LRRC49: variants seen among roughly 807,000 people sequenced by gnomAD.
The protein encoded by LRRC49 is leucine rich repeat containing 49.
LRRC49 carries 50 observed loss-of-function variants against 83.3 expected under a neutral mutation model. That is an observed-to-expected ratio of 0.60 (90% CI 0.48 to 0.76). The LOEUF is 0.76. Ranked by LOEUF, LRRC49 falls within the 30% of genes least tolerant of loss-of-function variation. The probability of loss-of-function intolerance (pLI) is 0.00; values close to 1 mark genes in which losing one functional copy is unlikely to be tolerated. For missense variants in LRRC49, 704 were observed against 809.1 expected, an observed-to-expected ratio of 0.87 and a Z score of 1.58; for synonymous variants, 286 against 283.3, an observed-to-expected ratio of 1.01 and a Z score of -0.10.
chr15:71,019,704 C>A (rs1415008957), intron 14 of LRRC49, among the ~76,000 whole-genome samples: 1 of 152,174 alleles, frequency 6.6e-6, no homozygotes, highest in Non-Finnish European at 1.5e-5. Flanking sequence ...TGTCCCTAAG[C>A]AAATGTAAAC....
At position 70,870,593 on chromosome 15, in the gene LRRC49, C is replaced by T. The variant is rs533714559; in HGVS notation, c.-298-2315C>T. On this transcript the variant is annotated intron_variant, in intron 1 of 16. Transcript: ENST00000544974. ...AAAACCTCCGCCTCCTGGGTTCAAGCGATTCTCCTGCCTCAGCCTCCCGAG... is the reference window on the plus strand; with the variant it reads ...AAAACCTCCGCCTCCTGGGTTCAAGTGATTCTCCTGCCTCAGCCTCCCGAG... 1.4e-4 allele frequency among the ~76,000 whole-genome samples: 22 copies of T among 152,252 alleles called. No homozygotes were observed. In the South Asian group the frequency reaches 4.4e-3, roughly 30 times the overall value.
chr15:70,936,889 A>C, intron 8 of LRRC49, 67 bp downstream of exon 8: 1 of 991,468 alleles, frequency 1.0e-6, no homozygotes, highest in Admixed American at 1.8e-5. Flanking sequence ...GCTTTAGATT[A>C]AGATTGTAAA....
At chr15:70,862,938 T>C (rs2032827737) in intron 1 of LRRC49, among the ~76,000 whole-genome samples, 1 of 152,146 alleles carries the variant, frequency 6.6e-6, no homozygotes, top group Non-Finnish European at 1.5e-5. Flanking sequence ...CTGCAAACAA[T>C]TGTTCAGGTT....
intron 14 of LRRC49, among the ~76,000 whole-genome samples, chr15:71,032,917 C>T (rs983026699): frequency 1.3e-5 from 2 of 152,132 alleles, no homozygotes; most frequent in East Asian, 3.9e-4. Flanking sequence ...ACTGAATGGT[C>T]AAAAGCTGGA....
In LRRC49 at chr15:70,884,505, G is replaced by A. The variant is rs187626365; in HGVS notation, c.19-9079G>A. On this transcript the variant is annotated intron_variant, in intron 2 of 16. Transcript: ENST00000544974. ...ACTGCACTCCAGCCTGGGCGACAGA[G>A]TGAGGCTCTGTTTCAAACACACACA... is the stretch of plus-strand genomic sequence containing the variant. Among the ~76,000 whole-genome samples, 221 of 151,926 alleles carry A rather than the reference G, an allele frequency of 1.5e-3. 1 individual carries two copies. The highest frequency in any genetic ancestry group is 2.1e-3 in the Admixed American group (32 of 15,274).
At chr15:71,043,987 T>C (rs1009321130) in intron 15 of LRRC49, among the ~76,000 whole-genome samples, 1 of 152,244 alleles carries the variant, frequency 6.6e-6, no homozygotes, top group Non-Finnish European at 1.5e-5. Context: ...AAGCATTCAC[T>C]AAATATGCTC....
At chr15:70,926,673 C>T (rs1010931336) in intron 7 of LRRC49, among the ~76,000 whole-genome samples, 3 of 152,060 alleles carry the variant, frequency 2.0e-5, no homozygotes, top group African/African-American at 7.2e-5. Flanking sequence ...ACCCCTTCCC[C>T]CCACCCCACA....
chr15:70,880,365 G>T (rs2033238356), intron 2 of LRRC49, among the ~76,000 whole-genome samples: 1 of 152,118 alleles, frequency 6.6e-6, no homozygotes, highest in African/African-American at 2.4e-5. Flanking sequence ...TAAGCGCCAG[G>T]ACAGAATCTT....
intron 8 of LRRC49, among the ~76,000 whole-genome samples, chr15:70,957,557 C>T (rs1417352135): frequency 6.6e-6 from 1 of 151,764 alleles, no homozygotes; most frequent in African/African-American, 2.4e-5. Flanking sequence ...TTCACCGAAA[C>T]TTTATTGCAC....
chr15:71,043,093 A>G (rs1030982672), intron 15 of LRRC49, among the ~76,000 whole-genome samples: 3 of 152,208 alleles, frequency 2.0e-5, no homozygotes, highest in Admixed American at 6.5e-5. Context: ...TGTGCATGCC[A>G]TCTCCCAACT....
chr15:70,882,168 G>C (rs1368333178), intron 2 of LRRC49: 1 of 293,654 alleles, frequency 3.4e-6, no homozygotes, highest in Non-Finnish European at 6.3e-6. Context: ...GCTTAATTTT[G>C]ATTAGGAAGT....
At chr15:71,024,304 G>A (rs1346384350) in intron 14 of LRRC49, among the ~76,000 whole-genome samples, 1 of 152,184 alleles carries the variant, frequency 6.6e-6, no homozygotes, top group Non-Finnish European at 1.5e-5. Context: ...TCCTGACTGG[G>A]TGAGACTCCC....
intron 11 of LRRC49, among the ~76,000 whole-genome samples, chr15:71,000,432 T>C (rs567292137): frequency 1.2e-4 from 18 of 152,338 alleles, no homozygotes; most frequent in Non-Finnish European, 1.9e-4. Flanking sequence ...TGAAAACTGG[T>C]AAACAGTATT....
chr15:70,919,272 C>T, intron 7 of LRRC49, 79 bp downstream of exon 7: 1 of 1,240,904 alleles, frequency 8.1e-7, no homozygotes, highest in South Asian at 1.7e-5. Context: ...ATATGGCTTT[C>T]TGCAAAGTAA....
chr15:71,039,592 G>A (rs1193591527), intron 15 of LRRC49, among the ~76,000 whole-genome samples: 1 of 152,102 alleles, frequency 6.6e-6, no homozygotes, highest in Non-Finnish European at 1.5e-5. Flanking sequence ...ATACTACAAT[G>A]CAAATGCCAT....
chr15:70,991,298 A>G (rs1295974694), intron 11 of LRRC49, among the ~76,000 whole-genome samples: 1 of 152,222 alleles, frequency 6.6e-6, no homozygotes, highest in African/African-American at 2.4e-5. Flanking sequence ...GACATAAAGC[A>G]TTTATATCTT....
rs1247837202 is a variant in LRRC49, at chr15:70,965,704, A to G, written c.921+1772A>G. ...GTCTTACAACATGTTCTTCATATTT[A>G]TCTCTTTATTGAGGATGCTTACTTT... On this transcript the variant is annotated intron_variant, in intron 9 of 15. Coordinates refer to ENST00000260382, the MANE Select transcript of LRRC49 (RefSeq NM_017691.5). 2.0e-5 allele frequency among the ~76,000 whole-genome samples: 3 copies of G among 152,144 alleles called. No homozygotes were observed. In the East Asian group the frequency reaches 5.8e-4, roughly 29 times the overall value.
chr15:70,892,308 T>A (rs184126693), upstream of LRRC49: 2 of 1,550,840 alleles, frequency 1.3e-6, no homozygotes, highest in Admixed American at 2.0e-5. Flanking sequence ...CCGGGTTCCC[T>A]GGACCTTCGC....
intron 8 of LRRC49, among the ~76,000 whole-genome samples, chr15:70,952,022 C>A (rs1328133804): frequency 2.0e-5 from 3 of 152,006 alleles, no homozygotes; most frequent in African/African-American, 7.2e-5. Flanking sequence ...TTCAGATGGT[C>A]ATATGGTTTT....
Sources: allele counts gnomAD v4.1 joint callset (sites outside exome capture counted in the v4.1 genomes callset), GRCh38; gene constraint gnomAD v4.1.1; transcripts MANE v1.5; gene names NCBI Gene and HGNC (gene_info 2026-07-23, HGNC 2026-07-21).